Variants in DIP2C observed in about 807,000 individuals in gnomAD.
DIP2C encodes the protein DIP2 acetate--CoA ligase C (putative).
In DIP2C, 33 loss-of-function variants were observed where a neutral mutation model predicts 192.4. That is an observed-to-expected ratio of 0.17 (90% CI 0.13 to 0.23). The LOEUF is 0.23. DIP2C is among the 10% of genes least tolerant of loss of function. The pLI is 1.00. For synonymous variants in DIP2C, 979 were observed against 864.1 expected (o/e 1.13, Z -2.33); for missense variants, 1,537 against 2,110.1 (o/e 0.73, Z 5.32).
At position 423,081 on chromosome 10, in the gene DIP2C, C is replaced by T. The variant is rs778480229; in HGVS notation, c.395-48G>A. ...TGCTGTATGTTGCAGCAAAAACGTG[C>T]ACCACAATCTCAGTCCCTCGCCAAA... is the stretch of plus-strand genomic sequence containing the variant. On this transcript the variant is annotated intron_variant, in intron 4 of 36. Transcript: ENST00000280886. 2.0e-6 allele frequency: 3 copies of T among 1,514,862 alleles called. No individual in the cohort carries two copies. In the East Asian group the frequency reaches 6.8e-5, roughly 35 times the overall value. The allele number at this position is 1,514,862 out of a possible 1,614,324, so 93.8% of individuals were successfully genotyped here.
intron 36 of DIP2C, 34 bp from the exon 37 acceptor site, chr10:277,611 T>C: frequency 6.2e-7 from 1 of 1,609,804 alleles, no homozygotes; most frequent in Non-Finnish European, 8.5e-7. Flanking sequence ...TCATTATATG[T>C]TTATTAATGC....
At chr10:524,927 G>T (rs1467986613) in intron 1 of DIP2C, among the ~76,000 whole-genome samples, 1 of 135,000 alleles carries the variant, frequency 7.4e-6, no homozygotes, top group South Asian at 2.2e-4. Flanking sequence ...GCAATTCAGA[G>T]GAGATGGTCT....
chr10:427,418 C>T (rs1254058362), intron 4 of DIP2C, among the ~76,000 whole-genome samples: 1 of 152,182 alleles, frequency 6.6e-6, no homozygotes, highest in Non-Finnish European at 1.5e-5. Flanking sequence ...TTCAAAAGCT[C>T]TGGGGAGTAG....
chr10:446,082 C>T (rs540328571), intron 3 of DIP2C, among the ~76,000 whole-genome samples: 8 of 151,364 alleles, frequency 5.3e-5, no homozygotes, highest in African/African-American at 7.3e-5. Context: ...CATCTGTATA[C>T]GTCTGTTGCA....
At chr10:317,421 G>A (rs80273793) in intron 31 of DIP2C, among the ~76,000 whole-genome samples, 2,190 of 152,360 alleles carry the variant, frequency 0.014, 23 homozygotes, top group Non-Finnish European at 0.021. Flanking sequence ...TGGCAGCCTG[G>A]ACGCCATGCT....
At position 489,534 on chromosome 10, in the gene DIP2C, C is replaced by T. The variant is rs183338614; in HGVS notation, c.86-3004G>A. 1.0e-3 allele frequency among the ~76,000 whole-genome samples: 152 copies of T among 152,358 alleles called. 1 individual carries two copies. The highest frequency in any genetic ancestry group is 3.5e-3 in the African/African-American group (146 of 41,586). On this transcript the variant is annotated intron_variant, in intron 1 of 36. Coordinates refer to ENST00000280886, the MANE Select transcript of DIP2C (RefSeq NM_014974.3). Reference sequence around the variant, plus strand: ...AAGGCCTGACCTTCAATCAATGCCACGCTGTCACTAGGGAGACGGTGGCTC... The same window carrying T: ...AAGGCCTGACCTTCAATCAATGCCATGCTGTCACTAGGGAGACGGTGGCTC...
At chr10:361,833 C>T (rs933768203) in intron 22 of DIP2C, among the ~76,000 whole-genome samples, 5 of 152,108 alleles carry the variant, frequency 3.3e-5, no homozygotes, top group Non-Finnish European at 5.9e-5. Context: ...ATGGCTTGAG[C>T]GGCTCCCAAC....
chr10:541,044 C>T (rs1407894576), intron 1 of DIP2C, among the ~76,000 whole-genome samples: 1 of 98,940 alleles, frequency 1.0e-5, no homozygotes, highest in African/African-American at 6.4e-5. Context: ...CCACAACACC[C>T]GATGCTGGGG....
chr10:392,602 C>A (rs1307615158), intron 10 of DIP2C, among the ~76,000 whole-genome samples: 1 of 152,246 alleles, frequency 6.6e-6, no homozygotes, highest in Non-Finnish European at 1.5e-5. Context: ...CTCAGCACAG[C>A]TCTGCCCAGC....
intron 1 of DIP2C, chr10:668,103 AAC>A (rs1389407346): frequency 6.6e-6 from 1 of 151,732 alleles, no homozygotes; most frequent in Non-Finnish European, 1.5e-5. Context: ...ACTCACGCAC[AAC>A]ACAACATGCA....
intron 1 of DIP2C, among the ~76,000 whole-genome samples, chr10:593,561 C>T (rs551209872): frequency 9.8e-4 from 147 of 149,240 alleles, no homozygotes; most frequent in Admixed American, 2.3e-3. Flanking sequence ...GACTTCCAAC[C>T]CTCTCCAGCA....
chr10:464,802 T>A (rs948282185), intron 3 of DIP2C, among the ~76,000 whole-genome samples: 3 of 152,110 alleles, frequency 2.0e-5, no homozygotes, highest in Non-Finnish European at 4.4e-5. Flanking sequence ...ATGGATACAT[T>A]CCTCGACACA....
chr10:584,161 A>G (rs999491874), intron 1 of DIP2C, among the ~76,000 whole-genome samples: 4 of 152,108 alleles, frequency 2.6e-5, no homozygotes, highest in Admixed American at 2.0e-4. Context: ...CCACATAACT[A>G]AAAACAAAAC....
At chr10:648,920 A>G (rs1158096324) in intron 1 of DIP2C, among the ~76,000 whole-genome samples, 2 of 150,192 alleles carry the variant, frequency 1.3e-5, no homozygotes, top group Non-Finnish European at 3.0e-5. Context: ...CCACGTCCAC[A>G]TTGGATGGTG....
chr10:682,933 T>C (rs905490961), intron 1 of DIP2C, among the ~76,000 whole-genome samples: 2 of 152,184 alleles, frequency 1.3e-5, no homozygotes, highest in African/African-American at 4.8e-5. Flanking sequence ...AGACCTACCA[T>C]CAGTCACAGC....
At chr10:372,971 G>C (rs1188133158) in intron 17 of DIP2C, among the ~76,000 whole-genome samples, 1 of 152,236 alleles carries the variant, frequency 6.6e-6, no homozygotes, top group Non-Finnish European at 1.5e-5. Flanking sequence ...TGTGCCAAAT[G>C]GTTCTGACTC....
chr10:590,261 A>AC (rs1851321689), intron 1 of DIP2C, among the ~76,000 whole-genome samples: 1 of 152,240 alleles, frequency 6.6e-6, no homozygotes, highest in Non-Finnish European at 1.5e-5. Context: ...GAAAATGAGT[A>AC]CATGGTGCAA....
At chr10:672,485 G>A (rs1830700337) in intron 1 of DIP2C, among the ~76,000 whole-genome samples, 1 of 152,070 alleles carries the variant, frequency 6.6e-6, no homozygotes, top group Non-Finnish European at 1.5e-5. Context: ...GCGAGGCTGG[G>A]GAGCCAGAGA....
chr10:605,982 C>A (rs934610447), intron 1 of DIP2C, among the ~76,000 whole-genome samples: 1 of 152,198 alleles, frequency 6.6e-6, no homozygotes, highest in Non-Finnish European at 1.5e-5. Flanking sequence ...AGACGTTCCC[C>A]CCCACTTCCG....
Sources: gnomAD v4.1 joint callset for allele counts (sites outside exome capture counted in the v4.1 genomes callset) on GRCh38, gnomAD v4.1.1 for gene constraint, MANE v1.5 for transcripts, NCBI Gene and HGNC (gene_info 2026-07-23, HGNC 2026-07-21) for gene names.